The following HKDC1 variants were observed in gnomAD, a reference collection of about 807,000 sequenced individuals.
HKDC1 encodes the protein hexokinase domain containing 1, also known as hexokinase HKDC1.
HKDC1 carries 66 observed loss-of-function variants against 96.6 expected under a neutral mutation model. The ratio of observed to expected loss-of-function variants is 0.68; its 90% confidence interval spans 0.56 to 0.84. The LOEUF is 0.84. Among genes scored for constraint, HKDC1 ranks in the 40% least tolerant of loss-of-function variants. The pLI is 0.00. For synonymous variants in HKDC1, 466 were observed against 473.1 expected, an observed-to-expected ratio of 0.98 and a Z score of 0.20; for missense variants, 1,211 against 1,208.1, an observed-to-expected ratio of 1.00 and a Z score of -0.04.
At chr10:69,231,486 C>T (rs183620000) in intron 2 of HKDC1, among the ~76,000 whole-genome samples, 202 of 152,210 alleles carry the variant, frequency 1.3e-3, no homozygotes, top group African/African-American at 4.6e-3. Flanking sequence ...TCCCTGGGAC[C>T]CCCGCTCCCG....
In HKDC1 at chr10:69,232,861, G is replaced by C. The variant is rs137872948; in HGVS notation, c.324G>C (p.Glu108Asp). Residue 108 changes from glutamate (E) to aspartate (D), a missense_variant, in exon 3 of 18, where the codon GAG becomes GAC. Transcript: ENST00000354624. ...AEEGKRHVQM[E>D]SQFYPTPNEI... ...AGGGGAAGCGACACGTGCAGATGGA[G>C]AGTCAGTTCTACCCAACGCCCAATG... The C allele has an allele frequency of 5.2e-5, 84 of 1,613,964 alleles. No homozygotes were observed. The highest frequency in any genetic ancestry group is 6.8e-6 in the Non-Finnish European group (8 of 1,180,048).
At chr10:69,244,044 C>T (rs1016753415) in intron 7 of HKDC1, among the ~76,000 whole-genome samples, 2 of 151,916 alleles carry the variant, frequency 1.3e-5, no homozygotes, top group Non-Finnish European at 2.9e-5. Flanking sequence ...TCGTCGTGTT[C>T]GCATGTCCCC....
At chr10:69,247,032 C>T (rs747292556) in intron 8 of HKDC1, among the ~76,000 whole-genome samples, 1 of 152,224 alleles carries the variant, frequency 6.6e-6, no homozygotes, top group Non-Finnish European at 1.5e-5. Context: ...CTAGCCCTTA[C>T]TAGCTGTGTA....
intron 6 of HKDC1, among the ~76,000 whole-genome samples, chr10:69,242,806 C>T (rs1431738200): frequency 6.6e-6 from 1 of 152,120 alleles, no homozygotes; most frequent in African/African-American, 2.4e-5. Context: ...AGCTAAGTAG[C>T]TTAAGGAAAG....
intron 5 of HKDC1, among the ~76,000 whole-genome samples, 167 bp from the exon 6 acceptor site, chr10:69,240,485 C>T (rs1843438231): frequency 6.6e-6 from 1 of 152,154 alleles, no homozygotes; most frequent in South Asian, 2.1e-4. Flanking sequence ...CTTTCTCTCC[C>T]CTAGACCCTG....
At chr10:69,256,931 C>T (rs1843724740) in intron 12 of HKDC1, 105 bp from the exon 13 acceptor site, 1 of 847,078 alleles carries the variant, frequency 1.2e-6, no homozygotes, top group South Asian at 1.4e-5. Flanking sequence ...AGCACACGTA[C>T]TTGACAAGCA....
At chr10:69,231,261 A>G (rs1248850699) in intron 2 of HKDC1, among the ~76,000 whole-genome samples, 1 of 152,130 alleles carries the variant, frequency 6.6e-6, no homozygotes, top group Non-Finnish European at 1.5e-5. Context: ...CCAGAATCTC[A>G]GATCTTGGCA....
chr10:69,230,353 C>G (rs1001347243), intron 2 of HKDC1, among the ~76,000 whole-genome samples: 9 of 152,128 alleles, frequency 5.9e-5, no homozygotes, highest in African/African-American at 2.2e-4. Context: ...GCCCTGAGGT[C>G]GTCAGCCTGG....
chr10:69,260,271 T>G (rs866785131), intron 15 of HKDC1, among the ~76,000 whole-genome samples: 3 of 152,134 alleles, frequency 2.0e-5, no homozygotes, highest in African/African-American at 7.2e-5. Flanking sequence ...TCTTTCCTCT[T>G]TGGCACCAAT....
intron 10 of HKDC1, 35 bp from the exon 11 acceptor site, chr10:69,250,255 G>A: frequency 6.3e-7 from 1 of 1,597,526 alleles, no homozygotes. Flanking sequence ...ACAAGTCCCT[G>A]TCATGGAATG....
Position 69,248,644 on chromosome 10 carries a change from G to A in HKDC1, c.1486G>A (p.Glu496Lys). Residue 496 changes from glutamate (E) to lysine (K), a missense_variant, in exon 10 of 18, where the codon GAG becomes AAG. Coordinates refer to ENST00000354624, the MANE Select transcript of HKDC1 (RefSeq NM_025130.4). ...GCAGGCCAAGATGCGGGCTGAGCTG[G>A]AGTATGGGCTGAAGAAGAAGAGCCA... is the stretch of plus-strand genomic sequence containing the variant. ...DVQAKMRAEL[E>K]YGLKKKSHGL... 1.2e-6 allele frequency: 2 copies of A among 1,614,196 alleles called. No homozygotes were observed. Among genetic ancestry groups the A allele is most frequent in the South Asian group, 2.2e-5 (2 of 91,078 alleles).
intron 1 of HKDC1, among the ~76,000 whole-genome samples, chr10:69,222,354 ATAAAGCAATCACTTG>A (rs1377279366): frequency 2.0e-5 from 3 of 147,612 alleles, no homozygotes; most frequent in Non-Finnish European, 3.0e-5. Context: ...TAAAAACATT[ATAAAGCAATCACTTG>A]TTGATTAGAT....
At chr10:69,257,245 C>T in intron 13 of HKDC1, 82 bp from the exon 14 acceptor site, 4 of 1,450,350 alleles carry the variant, frequency 2.8e-6, no homozygotes, top group Non-Finnish European at 2.9e-6. Flanking sequence ...CTTGGGATAA[C>T]ATGCCCCTCC....
chr10:69,234,647 T>C (rs1338166368), intron 4 of HKDC1, among the ~76,000 whole-genome samples: 2 of 152,226 alleles, frequency 1.3e-5, no homozygotes, highest in African/African-American at 2.4e-5. Context: ...TCCAACACTG[T>C]GGTTGGGCCT....
intron 17 of HKDC1, among the ~76,000 whole-genome samples, chr10:69,266,020 T>C (rs745976701): frequency 3.9e-5 from 6 of 152,216 alleles, no homozygotes; most frequent in East Asian, 1.9e-4. Flanking sequence ...GGTAATACGA[T>C]GTGGGAATGT....
rs150202145 is a variant in HKDC1, at chr10:69,259,757, G to A, written c.2216+798G>A. ...ACATGGCTGGAGAAGGAGGAAGAAA[G>A]AGTGAAGGGGGAGGCGTTACACACT... On this transcript the variant is annotated intron_variant, in intron 15 of 17. Coordinates refer to ENST00000354624, the MANE Select transcript of HKDC1 (RefSeq NM_025130.4). Among the ~76,000 whole-genome samples, 306 of 152,262 alleles carry A rather than the reference G, an allele frequency of 2.0e-3. 2 individuals carry two copies. Among genetic ancestry groups the A allele is most frequent in the African/African-American group, 7.1e-3 (294 of 41,530 alleles).
intron 14 of HKDC1, among the ~76,000 whole-genome samples, 195 bp from the exon 15 acceptor site, chr10:69,258,581 C>G (rs918159319): frequency 6.6e-6 from 1 of 152,152 alleles, no homozygotes; most frequent in Non-Finnish European, 1.5e-5. Flanking sequence ...GTATTATTTC[C>G]TCCTCAGAAA....
In HKDC1 at chr10:69,224,851, C is replaced by A. The variant is rs527800612; in HGVS notation, c.64-2356C>A. Among the ~76,000 whole-genome samples, 8 of 152,288 alleles carry A rather than the reference C, an allele frequency of 5.3e-5. No individual in the cohort carries two copies. In the East Asian group the frequency reaches 1.5e-3, roughly 29 times the overall value. ...ATATCTCCCATGATGGTTTGTGTGTCTCTCCAAAAGTGGGCTTGGTTTTCT... is the reference window on the plus strand; with the variant it reads ...ATATCTCCCATGATGGTTTGTGTGTATCTCCAAAAGTGGGCTTGGTTTTCT... On this transcript the variant is annotated intron_variant, in intron 1 of 17. Transcript: ENST00000354624.
At chr10:69,232,628 G>C (rs762084273) in intron 2 of HKDC1, 136 bp from the exon 3 acceptor site, 16 of 826,090 alleles carry the variant, frequency 1.9e-5, no homozygotes, top group Non-Finnish European at 2.9e-5. Flanking sequence ...AGAGTCCTCA[G>C]CCTTGGCAAA....
Sources: gnomAD v4.1 joint callset for allele counts (sites outside exome capture counted in the v4.1 genomes callset) on GRCh38, gnomAD v4.1.1 for gene constraint, MANE v1.5 for transcripts, NCBI Gene and HGNC (gene_info 2026-07-23, HGNC 2026-07-21) for gene names.